Variants in LPGAT1 observed in about 807,000 individuals in gnomAD.
LPGAT1 encodes the protein lysophosphatidylglycerol acyltransferase 1.
In LPGAT1, 11 loss-of-function variants were observed where a neutral mutation model predicts 47.5. The ratio of observed to expected loss-of-function variants is 0.23; its 90% CI spans 0.15 to 0.38. LPGAT1 has a LOEUF of 0.38. LPGAT1 is among the 10% of genes least tolerant of loss of function. LPGAT1 has a pLI of 1.00. For synonymous variants in LPGAT1, 138 were observed against 144.2 expected (o/e 0.96, Z 0.31); for missense variants, 293 against 439.0 (o/e 0.67, Z 2.97).
At chr1:211,784,559 TAA>T (rs1256792828) in intron 4 of LPGAT1, among the ~76,000 whole-genome samples, 4 of 151,390 alleles carry the variant, frequency 2.6e-5, no homozygotes, top group Non-Finnish European at 5.9e-5. Flanking sequence ...CCACAGGAGA[TAA>T]GTTAGAAGAC....
intron 6 of LPGAT1, among the ~76,000 whole-genome samples, chr1:211,759,802 T>C (rs1295276408): frequency 6.6e-6 from 1 of 152,222 alleles, no homozygotes; most frequent in Non-Finnish European, 1.5e-5. Flanking sequence ...GCTCTACTGA[T>C]AAACAGTTTC....
chr1:211,786,725 G>A (rs1181326502), intron 4 of LPGAT1, among the ~76,000 whole-genome samples: 2 of 151,938 alleles, frequency 1.3e-5, no homozygotes, highest in Non-Finnish European at 2.9e-5. Context: ...TTCCTACTAT[G>A]AATTCCCAAA....
chr1:211,776,300 G>A (rs542173523), intron 6 of LPGAT1, among the ~76,000 whole-genome samples: 6 of 152,230 alleles, frequency 3.9e-5, no homozygotes, highest in Admixed American at 6.5e-5. Context: ...ACTTTGGAAG[G>A]CCGAGGCTGG....
chr1:211,753,984 A>G (rs925292494), intron 6 of LPGAT1, among the ~76,000 whole-genome samples: 1 of 152,170 alleles, frequency 6.6e-6, no homozygotes, highest in Non-Finnish European at 1.5e-5. Flanking sequence ...TTTCCTGCTT[A>G]GAGAGTGAAG....
At position 211,829,264 on chromosome 1, in the gene LPGAT1, C is replaced by T. The variant is rs989627384; in HGVS notation, c.33G>A (p.Leu11=). 1.9e-6 allele frequency: 3 copies of T among 1,614,218 alleles called. No homozygotes were observed. The highest frequency in any genetic ancestry group is 2.5e-6 in the Non-Finnish European group (3 of 1,180,046). The stretch of plus-strand genomic sequence containing the variant: ...TCAGTGCTTTCACCAAGAGCCAGCC[C>T]AGCCACGGAGCTTCTTCCAAAGTTA... MAITLEEAPW[L]GWLLVKALMR... The change falls in exon 2 of 8, where the codon CTG becomes CTA. Residue 11 remains leucine, a synonymous_variant. Transcript: ENST00000366997.
intron 2 of LPGAT1, among the ~76,000 whole-genome samples, chr1:211,818,241 T>A (rs929181372): frequency 9.8e-4 from 149 of 152,282 alleles, no homozygotes; most frequent in African/African-American, 3.4e-3. Context: ...AATTTAAATA[T>A]TTTAAAATGA....
chr1:211,830,447 G>C lies in LPGAT1; in HGVS notation c.-28+126C>G, dbSNP rs1454465526. On this transcript the variant is annotated intron_variant, in intron 1 of 7. Transcript: ENST00000366997. The surrounding 1 kb of genome is among the most constrained non-coding windows in gnomAD (Gnocchi z 5.9). ...CCTCCCCGGGGCCTACCGCGCCCTCGTCCCTCAGGCCGCTGCCGCCTCCCC... is the reference window on the plus strand; with the variant it reads ...CCTCCCCGGGGCCTACCGCGCCCTCCTCCCTCAGGCCGCTGCCGCCTCCCC... The C allele has an allele frequency of 8.5e-7, 1 of 1,175,170 alleles. No individual in the cohort carries two copies. Among genetic ancestry groups the C allele is most frequent in the South Asian group, 4.3e-5 (1 of 23,014 alleles). 72.8% of individuals were successfully genotyped at this position (1,175,170 alleles called of 1,614,324 possible). A position where few individuals can be genotyped will look rare whatever the true frequency, so the allele number is the denominator to read the frequency against.
intron 2 of LPGAT1, among the ~76,000 whole-genome samples, chr1:211,824,543 G>T (rs1660475017): frequency 6.6e-6 from 1 of 152,162 alleles, no homozygotes; most frequent in Non-Finnish European, 1.5e-5. Context: ...AGTGATAACA[G>T]ATTTAAAGTT....
chr1:211,762,906 AT>A (rs1365219312), intron 6 of LPGAT1, among the ~76,000 whole-genome samples: 1 of 152,212 alleles, frequency 6.6e-6, no homozygotes, highest in Non-Finnish European at 1.5e-5. Context: ...TAAACCCTCA[AT>A]TCAATTATGT....
intron 6 of LPGAT1, among the ~76,000 whole-genome samples, chr1:211,754,659 T>C (rs1318785179): frequency 6.6e-6 from 1 of 152,222 alleles, no homozygotes; most frequent in Non-Finnish European, 1.5e-5. Context: ...ATTTTGGGTT[T>C]AGGCAAAATG....
intron 2 of LPGAT1, among the ~76,000 whole-genome samples, chr1:211,810,046 G>A (rs1659911419): frequency 6.6e-6 from 1 of 152,102 alleles, no homozygotes. Context: ...GAAATGTAGA[G>A]CCGGAAAGGA....
Position 211,830,314 on chromosome 1 carries a change from A to G in LPGAT1, c.-28+259T>C, listed in dbSNP as rs1558289364. 9.1e-7 allele frequency: 1 copy of G among 1,093,898 alleles called. No homozygotes were observed. Among genetic ancestry groups the G allele is most frequent in the Non-Finnish European group, 1.1e-6 (1 of 899,978 alleles). 67.8% of individuals were successfully genotyped at this position (1,093,898 alleles called of 1,614,324 possible). ...GCGCGAGCGGGCGCGCTGGCGCCCTACTCCCCTCGCGGCTGCCTGCGGACA... is the reference window on the plus strand; with the variant it reads ...GCGCGAGCGGGCGCGCTGGCGCCCTGCTCCCCTCGCGGCTGCCTGCGGACA... On this transcript the variant is annotated intron_variant, in intron 1 of 7. Coordinates refer to ENST00000366997, the MANE Select transcript of LPGAT1 (RefSeq NM_014873.3). This position sits in a 1 kb window ranked among gnomAD's most constrained non-coding sequence, Gnocchi z 5.9.
intron 6 of LPGAT1, among the ~76,000 whole-genome samples, chr1:211,763,811 T>C (rs1036088413): frequency 3.9e-5 from 6 of 152,212 alleles, no homozygotes; most frequent in East Asian, 3.8e-4. Context: ...AGGTAAGAAT[T>C]TGACTATCTT....
Position 211,783,421 on chromosome 1 carries a change from T to G in LPGAT1, c.535A>C (p.Ile179Leu). The change falls in exon 5 of 8, where the codon ATT becomes CTT. Residue 179 changes from isoleucine to leucine, a missense_variant. Coordinates refer to ENST00000366997, the MANE Select transcript of LPGAT1 (RefSeq NM_014873.3). ...AAGCCCCCTTCTGGAAACAAAACAA[T>G]CCATTTTCGATCTCTGCTCCTGTAA... ...NNYRSRDRKWIVLFPEGGFLR... is the reference protein window; with the variant it reads ...NNYRSRDRKWLVLFPEGGFLR... 1 of 1,614,164 alleles carries G rather than the reference T, an allele frequency of 6.2e-7. No individual in the cohort carries two copies. Among genetic ancestry groups the G allele is most frequent in the Non-Finnish European group, 8.5e-7 (1 of 1,180,030 alleles).
At chr1:211,774,477 G>A (rs1658310091) in intron 6 of LPGAT1, among the ~76,000 whole-genome samples, 2 of 151,942 alleles carry the variant, frequency 1.3e-5, no homozygotes, top group Admixed American at 1.3e-4. Context: ...CCAAAGTCAG[G>A]GCAACTTCTG....
intron 3 of LPGAT1, 21 bp from the exon 4 acceptor site, chr1:211,787,748 AAAT>A: frequency 6.8e-7 from 1 of 1,466,900 alleles, no homozygotes; most frequent in Non-Finnish European, 9.5e-7. Flanking sequence ...TAAAAGCAAG[AAAT>A]AATATTGGAT....
intron 6 of LPGAT1, among the ~76,000 whole-genome samples, chr1:211,762,127 C>T (rs1024628971): frequency 1.3e-5 from 2 of 152,156 alleles, no homozygotes; most frequent in South Asian, 4.1e-4. Flanking sequence ...TTAAGGATAA[C>T]TTAGCAAGGG....
At chr1:211,752,438 C>T (rs1425373099) in intron 6 of LPGAT1, among the ~76,000 whole-genome samples, 1 of 151,214 alleles carries the variant, frequency 6.6e-6, no homozygotes, top group African/African-American at 2.4e-5. Flanking sequence ...GCAACTTCTG[C>T]TTCTTATAGA....
intron 2 of LPGAT1, among the ~76,000 whole-genome samples, chr1:211,801,909 A>C (rs1659588433): frequency 6.6e-6 from 1 of 151,974 alleles, no homozygotes; most frequent in East Asian, 1.9e-4. Flanking sequence ...GTGAAACCCC[A>C]TCTCTACTAA....
Sources: gnomAD v4.1 joint callset for allele counts (sites outside exome capture counted in the v4.1 genomes callset) on GRCh38, gnomAD v4.1.1 for gene constraint, Gnocchi (gnomAD v3.1) non-coding constraint, MANE v1.5 for transcripts, NCBI Gene and HGNC (gene_info 2026-07-23, HGNC 2026-07-21) for gene names.